ELL2: variants seen among roughly 807,000 people sequenced by gnomAD.
The protein encoded by ELL2 is RNA polymerase II elongation factor ELL2.
A neutral mutation model predicts 72.8 loss-of-function variants in ELL2; 21 were observed. That is an observed-to-expected ratio of 0.29 (90% CI 0.20 to 0.42). ELL2 has a LOEUF of 0.42. Among genes scored for constraint, ELL2 ranks in the 10% least tolerant of loss-of-function variants. The probability of loss-of-function intolerance (pLI) is 1.00; values close to 1 mark genes in which losing one functional copy is unlikely to be tolerated. For missense variants in ELL2, 568 were observed against 772.8 expected, an observed-to-expected ratio of 0.73 and a Z score of 3.14; for synonymous variants, 266 against 283.2, an observed-to-expected ratio of 0.94 and a Z score of 0.61.
intron 5 of ELL2, among the ~76,000 whole-genome samples, chr5:95,902,554 T>C (rs555566566): frequency 2.6e-5 from 4 of 152,328 alleles, no homozygotes; most frequent in Admixed American, 6.5e-5. Context: ...CTGGAATAGA[T>C]CATTCTTTCT....
intron 9 of ELL2, among the ~76,000 whole-genome samples, chr5:95,893,238 T>A (rs780731081): frequency 1.3e-5 from 2 of 152,254 alleles, no homozygotes; most frequent in Non-Finnish European, 2.9e-5. Context: ...CGAAAAATTG[T>A]TGTAGTTCTA....
rs749273857 is a variant in ELL2, at chr5:95,927,383, G to GTGTGTA, written c.196-7844_196-7839dup. Among the ~76,000 whole-genome samples, 9 of 50,084 alleles carry GTGTGTA rather than the reference G, an allele frequency of 1.8e-4. 1 individual carries two copies. Among genetic ancestry groups the GTGTGTA allele is most frequent in the Non-Finnish European group, 2.3e-4 (7 of 29,870 alleles). The allele number at this position is 50,084 out of a possible 152,430, so 32.9% of individuals were successfully genotyped here. ...TATATATAGACATACACACACACACGTGTGTATATATAGACATACACACAC... is the reference window on the plus strand; with the variant it reads ...TATATATAGACATACACACACACACGTGTGTATGTGTATATATAGACATACACACAC... On this transcript the variant is annotated intron_variant, in intron 2 of 11. Transcript: ENST00000237853.
chr5:95,898,149 ACGT>A, intron 8 of ELL2, 88 bp downstream of exon 8: 1 of 1,132,022 alleles, frequency 8.8e-7, no homozygotes, highest in South Asian at 1.8e-5. Flanking sequence ...ATTAAATGAA[ACGT>A]CATTTGCTAA....
At chr5:95,892,245 C>T (rs1421486954) in intron 9 of ELL2, among the ~76,000 whole-genome samples, 1 of 151,832 alleles carries the variant, frequency 6.6e-6, no homozygotes. Flanking sequence ...CTCCTGGGCT[C>T]AACCGATTCT....
At chr5:95,920,319 ATTTATTTT>A (rs1248710755) in intron 2 of ELL2, among the ~76,000 whole-genome samples, 315 of 141,630 alleles carry the variant, frequency 2.2e-3, no homozygotes, top group African/African-American at 8.4e-3. Flanking sequence ...TTATTTATTT[ATTTATTTT>A]TGAGACGGAG....
chr5:95,940,863 C>T (rs1318032461), intron 2 of ELL2, among the ~76,000 whole-genome samples: 1 of 152,014 alleles, frequency 6.6e-6, no homozygotes, highest in Non-Finnish European at 1.5e-5. Context: ...ACCCTCACAT[C>T]GGTGGCCCTG....
chr5:95,948,595 T>C (rs1190974615), intron 1 of ELL2, among the ~76,000 whole-genome samples: 1 of 152,154 alleles, frequency 6.6e-6, no homozygotes, highest in African/African-American at 2.4e-5. Context: ...TTTATCCAAA[T>C]TTTTTTAGCC....
chr5:95,947,249 A>C (rs1030967278), intron 1 of ELL2, among the ~76,000 whole-genome samples: 2 of 152,212 alleles, frequency 1.3e-5, no homozygotes, highest in African/African-American at 2.4e-5. Flanking sequence ...TTTATATATG[A>C]AGTATACCAC....
chr5:95,919,602 T>C (rs1211037812), intron 2 of ELL2, 57 bp from the exon 3 acceptor site: 13 of 1,498,200 alleles, frequency 8.7e-6, no homozygotes, highest in Non-Finnish European at 1.1e-5. Flanking sequence ...CATAGAAAAG[T>C]CTTAAGACTG....
intron 2 of ELL2, among the ~76,000 whole-genome samples, chr5:95,929,261 A>AT (rs397884318): frequency 0.22 from 31,172 of 141,006 alleles, 5,399 homozygotes; most frequent in African/African-American, 0.46. Flanking sequence ...GGTCTTCCTC[A>AT]TTTTTTTTTT....
chr5:95,903,894 A>C (rs1749245692), intron 5 of ELL2, among the ~76,000 whole-genome samples: 1 of 152,190 alleles, frequency 6.6e-6, no homozygotes, highest in South Asian at 2.1e-4. Context: ...TCAATGGCTC[A>C]ATATCCATTC....
In ELL2 at chr5:95,888,359, A is replaced by T. The variant is rs901510230; in HGVS notation, c.*512T>A. ...CACCTTTCTATTTTTTAACCCTCCA[A>T]GACAATGTTTATTTTTTTAATTTTG... On this transcript the variant is annotated 3_prime_UTR_variant, in exon 12 of 12. Transcript: ENST00000237853. 6.5e-6 allele frequency: 1 copy of T among 152,868 alleles called. No homozygotes were observed. The highest frequency in any genetic ancestry group is 2.4e-5 in the African/African-American group (1 of 41,448). The allele number at this position is 152,868 out of a possible 1,614,324, so 9.5% of individuals were successfully genotyped here.
Position 95,939,529 on chromosome 5 carries a change from G to A in ELL2, c.195+3473C>T, listed in dbSNP as rs184586439. ...ATAGTTTATTGCTTAGAACAATTAC[G>A]TTGGTTGATAACTGCATCAGTAACA... On this transcript the variant is annotated intron_variant, in intron 2 of 11. Transcript: ENST00000237853. Among the ~76,000 whole-genome samples, 397 of 152,340 alleles carry A rather than the reference G, an allele frequency of 2.6e-3. 1 individual carries two copies. The highest frequency in any genetic ancestry group is 4.5e-3 in the Non-Finnish European group (303 of 68,034).
At chr5:95,931,068 A>G (rs750808837) in intron 2 of ELL2, among the ~76,000 whole-genome samples, 1 of 151,758 alleles carries the variant, frequency 6.6e-6, no homozygotes, top group Non-Finnish European at 1.5e-5. Context: ...TTGAGAAGAA[A>G]GTGAAAACTT....
intron 1 of ELL2, among the ~76,000 whole-genome samples, chr5:95,960,485 A>G (rs775378352): frequency 1.3e-5 from 2 of 151,414 alleles, no homozygotes; most frequent in Non-Finnish European, 2.9e-5. Context: ...ATGTGCGCCT[A>G]TCTGAGCCTC....
intron 9 of ELL2, among the ~76,000 whole-genome samples, chr5:95,892,283 AT>A (rs367957434): frequency 6.6e-6 from 1 of 152,036 alleles, no homozygotes; most frequent in Admixed American, 6.5e-5. Flanking sequence ...AGTAGCTGAG[AT>A]TACAGGTACA....
intron 2 of ELL2, among the ~76,000 whole-genome samples, chr5:95,933,549 TG>T (rs1184764751): frequency 6.6e-6 from 1 of 152,124 alleles, no homozygotes; most frequent in African/African-American, 2.4e-5. Flanking sequence ...ATTTTAAAAA[TG>T]TAAGTGTGAG....
At chr5:95,923,194 G>A (rs562854886) in intron 2 of ELL2, among the ~76,000 whole-genome samples, 1 of 151,510 alleles carries the variant, frequency 6.6e-6, no homozygotes, top group Non-Finnish European at 1.5e-5. Context: ...AGACCAGCCC[G>A]GGCAACACAA....
At chr5:95,934,740 G>GT (rs34076144) in intron 2 of ELL2, among the ~76,000 whole-genome samples, 4 of 152,182 alleles carry the variant, frequency 2.6e-5, no homozygotes, top group Admixed American at 1.3e-4. Context: ...TTGTCAACTT[G>GT]TTTTTTTAAA....
Sources: gnomAD v4.1 joint callset for allele counts (sites outside exome capture counted in the v4.1 genomes callset) on GRCh38, gnomAD v4.1.1 for gene constraint, MANE v1.5 for transcripts, NCBI Gene and HGNC (gene_info 2026-07-23, HGNC 2026-07-21) for gene names.